Variants in ARHGEF4 observed in about 807,000 individuals in gnomAD.
ARHGEF4 encodes Rho guanine nucleotide exchange factor 4, also known as APC-stimulated guanine nucleotide exchange factor 1.
Under a neutral mutation model 162.0 loss-of-function variants are expected in ARHGEF4, and 119 were observed. The observed-to-expected ratio is 0.73, with a 90% CI of 0.63 to 0.86. ARHGEF4 has a LOEUF of 0.86. ARHGEF4 is among the 40% of genes least tolerant of loss of function. ARHGEF4 has a pLI of 0.00. For missense variants in ARHGEF4, 2,488 were observed against 2,456.0 expected (o/e 1.01, Z -0.28); for synonymous variants, 1,014 against 979.9 (o/e 1.03, Z -0.65).
At chr2:130,845,913 G>C (rs1574084821) in intron 1 of ARHGEF4, among the ~76,000 whole-genome samples, 2 of 152,358 alleles carry the variant, frequency 1.3e-5, no homozygotes, top group East Asian at 3.9e-4. Flanking sequence ...GGCTGCCTGG[G>C]GACAGGTGAG....
At chr2:130,977,711 G>T (rs1393023953) in intron 4 of ARHGEF4, among the ~76,000 whole-genome samples, 1 of 151,534 alleles carries the variant, frequency 6.6e-6, no homozygotes, top group Non-Finnish European at 1.5e-5. Context: ...TGTTTTTTTT[G>T]CATCTTGTGC....
At chr2:130,902,902 G>T (rs1162489916) in intron 1 of ARHGEF4, among the ~76,000 whole-genome samples, 3 of 105,850 alleles carry the variant, frequency 2.8e-5, no homozygotes, top group African/African-American at 9.4e-5. Flanking sequence ...GTTATCCTGG[G>T]ATAGCCCCAC....
intron 4 of ARHGEF4, among the ~76,000 whole-genome samples, chr2:130,999,641 T>C (rs1687642002): frequency 6.6e-6 from 1 of 152,248 alleles, no homozygotes; most frequent in South Asian, 2.1e-4. Context: ...CCCTAACCCA[T>C]TTTTCCTAAA....
At chr2:130,961,202 G>A (rs1187239966) in intron 4 of ARHGEF4, among the ~76,000 whole-genome samples, 1 of 152,228 alleles carries the variant, frequency 6.6e-6, no homozygotes, top group Non-Finnish European at 1.5e-5. Context: ...CAGGTGCGCT[G>A]TACTCCCTGG....
chr2:130,999,303 C>T lies in ARHGEF4; in HGVS notation c.3986-28642C>T, dbSNP rs769580787. On this transcript the variant is annotated intron_variant, in intron 4 of 13. Transcript: ENST00000409359. ...CCAACTAGCTGGGACTACAGGCGCC[C>T]GCCACCACGCCTGGCTAATTTTTTT... Among the ~76,000 whole-genome samples, 7 of 151,710 alleles carry T rather than the reference C, an allele frequency of 4.6e-5. No homozygotes were observed. In the East Asian group the frequency reaches 5.8e-4, roughly 13 times the overall value.
rs559174592 is a variant in ARHGEF4 at position 130,882,045 on chromosome 2, G to A, written c.40-31941G>A. Among the ~76,000 whole-genome samples the A allele has an allele frequency of 5.9e-4, 90 of 152,230 alleles. 4 individuals are homozygous for A. Among genetic ancestry groups the A allele is most frequent in the African/African-American group, 2.1e-3 (88 of 41,454 alleles). On this transcript the variant is annotated intron_variant, in intron 1 of 13. Transcript: ENST00000409359. ...GACATTGAGAATGGCCGGACAGGAA[G>A]CGAGCCTGGGCACTGACAGCCTCAA... is the stretch of plus-strand genomic sequence containing the variant.
At chr2:130,882,114 A>G (rs1467834701) in intron 1 of ARHGEF4, among the ~76,000 whole-genome samples, 4 of 152,046 alleles carry the variant, frequency 2.6e-5, no homozygotes, top group Non-Finnish European at 4.4e-5. Flanking sequence ...CGCTTTCCCA[A>G]TTGTCTTAGC....
chr2:130,918,530 A>T (rs1681668055), intron 2 of ARHGEF4, among the ~76,000 whole-genome samples: 1 of 152,182 alleles, frequency 6.6e-6, no homozygotes, highest in Non-Finnish European at 1.5e-5. Flanking sequence ...GGCCACAGCC[A>T]CCCCACGCGG....
At chr2:130,894,259 T>C (rs1165177446) in intron 1 of ARHGEF4, among the ~76,000 whole-genome samples, 1 of 152,200 alleles carries the variant, frequency 6.6e-6, no homozygotes, top group Non-Finnish European at 1.5e-5. Context: ...CGCTCACCCA[T>C]GTTCATGGGC....
intron 5 of ARHGEF4, among the ~76,000 whole-genome samples, chr2:131,028,919 A>G (rs997681144): frequency 2.6e-5 from 4 of 152,212 alleles, no homozygotes; most frequent in Non-Finnish European, 4.4e-5. Flanking sequence ...CAATTTTGGA[A>G]GAGTTAGACT....
intron 4 of ARHGEF4, among the ~76,000 whole-genome samples, chr2:130,955,961 CAGG>C (rs1684244135): frequency 6.6e-6 from 1 of 152,172 alleles, no homozygotes; most frequent in Admixed American, 6.5e-5. Flanking sequence ...AGGAAGAGAT[CAGG>C]AGCTATCTGT....
At chr2:131,040,905 G>A (rs953262455) in intron 8 of ARHGEF4, among the ~76,000 whole-genome samples, 9 of 151,886 alleles carry the variant, frequency 5.9e-5, no homozygotes, top group African/African-American at 1.2e-4. Context: ...GCAGTCGAGC[G>A]AGGGTGAGCA....
At chr2:131,035,539 G>C in intron 5 of ARHGEF4, 1 of 532,840 alleles carries the variant, frequency 1.9e-6, no homozygotes, top group Non-Finnish European at 2.5e-6. Flanking sequence ...GAGTAACCGA[G>C]GATGCGGATT....
intron 4 of ARHGEF4, among the ~76,000 whole-genome samples, chr2:130,973,461 C>A: frequency 6.6e-6 from 1 of 152,082 alleles, no homozygotes; most frequent in African/African-American, 2.4e-5. Context: ...TGCACTCCAG[C>A]CTGAGTGGCA....
Position 130,915,093 on chromosome 2 carries a change from C to T in ARHGEF4, c.1147C>T (p.Pro383Ser). The change falls in exon 2 of 14, where the codon CCC becomes TCC. Residue 383 changes from proline to serine, a missense_variant. By Grantham distance (74) the Pro-to-Ser change is moderately conservative. This residue lies in a region of ARHGEF4 where 1,642 missense variants were observed against 1,481.5 expected (regional missense o/e 1.11). Transcript: ENST00000409359. Reference protein sequence around the residue: ...PRIQNIPSPAPTQLSGPIPAF... With the variant: ...PRIQNIPSPASTQLSGPIPAF... ...AATACAAAACATCCCTTCCCCTGCA[C>T]CCACCCAGCTGTCTGGCCCGATTCC... 5 of 1,550,720 alleles carry T rather than the reference C, an allele frequency of 3.2e-6. No homozygotes were observed. Among genetic ancestry groups the T allele is most frequent in the African/African-American group, 2.7e-5 (2 of 73,170 alleles).
chr2:130,869,189 C>A (rs1417461491), intron 1 of ARHGEF4, among the ~76,000 whole-genome samples: 2 of 152,172 alleles, frequency 1.3e-5, no homozygotes, highest in African/African-American at 4.8e-5. Flanking sequence ...TTAGAAAGAT[C>A]TGTCTGGCCA....
chr2:131,038,893 G>A lies in ARHGEF4; in HGVS notation c.4166G>A (p.Trp1389Ter), dbSNP rs977805181. Residue 1389 changes from tryptophan (W) to a stop codon, truncating the protein, a stop_gained, in exon 6 of 14, where the codon TGG becomes TAG. Transcript: ENST00000409359. LOFTEE classifies it high-confidence loss of function. The part of the protein sequence containing the change: ...DGSVVCAEAL[W>*]DHVTMDDQEL... ...AGTGTGGTCTGCGCTGAAGCACTCT[G>A]GGACCATGTCACCATGGACGACCAG... The A allele has an allele frequency of 5.6e-6, 9 of 1,613,324 alleles. No individual in the cohort carries two copies. The highest frequency in any genetic ancestry group is 7.6e-6 in the Non-Finnish European group (9 of 1,179,978).
intron 4 of ARHGEF4, among the ~76,000 whole-genome samples, chr2:130,988,289 G>C (rs144793586): frequency 5.9e-5 from 9 of 152,300 alleles, no homozygotes; most frequent in Non-Finnish European, 1.2e-4. Context: ...AGCCTTGGAA[G>C]ACCAGACTCA....
chr2:130,992,698 A>C (rs751411545), intron 4 of ARHGEF4, among the ~76,000 whole-genome samples: 1 of 152,246 alleles, frequency 6.6e-6, no homozygotes, highest in Non-Finnish European at 1.5e-5. Flanking sequence ...AATTCTGGAC[A>C]CAGTATCAGT....
Sources: allele counts gnomAD v4.1 joint callset (sites outside exome capture counted in the v4.1 genomes callset), GRCh38; gene constraint gnomAD v4.1.1; regional missense constraint gnomAD v4.1.1; transcripts MANE v1.5; gene names NCBI Gene and HGNC (gene_info 2026-07-23, HGNC 2026-07-21).